TTC27: variants seen among roughly 807,000 people sequenced by gnomAD.
The protein encoded by TTC27 is tetratricopeptide repeat domain 27.
Under a neutral mutation model 115.9 loss-of-function variants are expected in TTC27, and 79 were observed. That is an observed-to-expected ratio of 0.68 (90% CI 0.57 to 0.82). The LOEUF is 0.82. Among genes scored for constraint, TTC27 ranks in the 40% least tolerant of loss-of-function variants. TTC27 has a pLI of 0.00. For missense variants in TTC27, 1,054 were observed against 993.1 expected, an observed-to-expected ratio of 1.06 and a Z score of -0.82; for synonymous variants, 401 against 356.0, an observed-to-expected ratio of 1.13 and a Z score of -1.42.
At chr2:32,706,077 C>CT (rs148953090) in intron 10 of TTC27, among the ~76,000 whole-genome samples, 22,482 of 51,150 alleles carry the variant, frequency 0.44, 6,588 homozygotes, top group South Asian at 0.54. Context: ...TTACCTTACT[C>CT]TTTTTTTTTT....
intron 10 of TTC27, chr2:32,704,909 A>G (rs1426395069): frequency 1.1e-5 from 5 of 471,120 alleles, no homozygotes; most frequent in Non-Finnish European, 4.4e-6. Flanking sequence ...TTATTTGATC[A>G]TTCAGTAAGC....
At chr2:32,642,921 A>C (rs1254406336) in intron 4 of TTC27, among the ~76,000 whole-genome samples, 1 of 151,856 alleles carries the variant, frequency 6.6e-6, no homozygotes, top group Non-Finnish European at 1.5e-5. Flanking sequence ...ACCTGCCTCC[A>C]TCTCCCCTAA....
chr2:32,669,014 G>A (rs1665906504), intron 7 of TTC27, among the ~76,000 whole-genome samples: 1 of 152,084 alleles, frequency 6.6e-6, no homozygotes, highest in Non-Finnish European at 1.5e-5. Context: ...GGGAGGCGGA[G>A]CTTGCAGTGA....
At chr2:32,646,529 G>T (rs1377364661) in intron 4 of TTC27, among the ~76,000 whole-genome samples, 1 of 145,540 alleles carries the variant, frequency 6.9e-6, no homozygotes, top group African/African-American at 2.5e-5. Context: ...CTGACTAGTA[G>T]AAAAATAGGC....
chr2:32,642,548 T>C (rs1481575680), intron 4 of TTC27, among the ~76,000 whole-genome samples: 1 of 152,094 alleles, frequency 6.6e-6, no homozygotes, highest in Non-Finnish European at 1.5e-5. Flanking sequence ...CCACCGCACC[T>C]GGCCTAAATT....
chr2:32,633,769 A>G, intron 2 of TTC27, 107 bp from the exon 3 acceptor site: 1 of 1,309,304 alleles, frequency 7.6e-7, no homozygotes, highest in South Asian at 1.6e-5. Flanking sequence ...GTCTCAATAA[A>G]TGTTGATAGA....
chr2:32,630,804 A>G (rs1359913588), intron 2 of TTC27, 104 bp downstream of exon 2: 8 of 1,064,236 alleles, frequency 7.5e-6, no homozygotes, highest in East Asian at 2.6e-5. Context: ...ACCTTGCCTT[A>G]TATTTTACTC....
At chr2:32,810,392 C>T (rs145379197) in intron 16 of TTC27, among the ~76,000 whole-genome samples, 3 of 152,176 alleles carry the variant, frequency 2.0e-5, no homozygotes, top group Admixed American at 6.5e-5. Flanking sequence ...ATGTTGAAAA[C>T]ATTGGGAAGG....
chr2:32,817,302 T>C (rs544374723), intron 18 of TTC27, among the ~76,000 whole-genome samples, 155 bp from the exon 19 acceptor site: 55 of 152,128 alleles, frequency 3.6e-4, no homozygotes, highest in African/African-American at 1.3e-3. Context: ...GCTATGTACA[T>C]AATTATTATT....
At chr2:32,769,527 G>T (rs1669758006) in intron 13 of TTC27, among the ~76,000 whole-genome samples, 1 of 152,124 alleles carries the variant, frequency 6.6e-6, no homozygotes, top group Non-Finnish European at 1.5e-5. Context: ...TCAAGATACT[G>T]GAGACCTTTA....
chr2:32,794,929 G>T (rs556977934), intron 16 of TTC27, among the ~76,000 whole-genome samples: 1 of 152,190 alleles, frequency 6.6e-6, no homozygotes, highest in South Asian at 2.1e-4. Flanking sequence ...CTAGTAAGTA[G>T]ATAGAATCAG....
chr2:32,715,692 T>C (rs1428998336), intron 10 of TTC27, among the ~76,000 whole-genome samples: 1 of 152,160 alleles, frequency 6.6e-6, no homozygotes, highest in Non-Finnish European at 1.5e-5. Context: ...TTGGTAGTCC[T>C]TTCTTTATAT....
chr2:32,654,995 C>CG (rs535163139), intron 5 of TTC27, among the ~76,000 whole-genome samples: 194 of 139,102 alleles, frequency 1.4e-3, no homozygotes, highest in Non-Finnish European at 2.6e-3. Context: ...TGCGTCTGGC[C>CG]TTTTTTTTTT....
intron 6 of TTC27, among the ~76,000 whole-genome samples, chr2:32,665,120 T>G (rs1665723510): frequency 6.6e-6 from 1 of 152,150 alleles, no homozygotes; most frequent in East Asian, 1.9e-4. Flanking sequence ...GTGCTGGGAC[T>G]ACAGGTGTGA....
chr2:32,812,150 G>A (rs927088), intron 17 of TTC27, among the ~76,000 whole-genome samples: 103,980 of 152,124 alleles, frequency 0.68, 37,323 homozygotes, highest in African/African-American at 0.92. Context: ...TCTACCAGCA[G>A]TTTCATTGTT....
intron 13 of TTC27, among the ~76,000 whole-genome samples, chr2:32,762,073 A>G (rs1348646331): frequency 6.6e-6 from 1 of 152,218 alleles, no homozygotes; most frequent in Non-Finnish European, 1.5e-5. Context: ...TGATGCAACA[A>G]AGAAAAACCT....
intron 12 of TTC27, among the ~76,000 whole-genome samples, chr2:32,756,714 A>G (rs1004509636): frequency 5.9e-5 from 9 of 152,236 alleles, no homozygotes; most frequent in African/African-American, 2.2e-4. Flanking sequence ...TTAAAGTCTC[A>G]TTTTAGCTGC....
rs189227750 is a variant in TTC27 at position 32,644,501 on chromosome 2, G to A, written c.537+4091G>A. Among the ~76,000 whole-genome samples the A allele has an allele frequency of 1.8e-4, 27 of 152,286 alleles. No homozygotes were observed. In the East Asian group the frequency reaches 4.8e-3, roughly 27 times the overall value. On this transcript the variant is annotated intron_variant, in intron 4 of 19. Coordinates refer to ENST00000317907, the MANE Select transcript of TTC27 (RefSeq NM_017735.5). ...AAGTTACCTTAATTTCTTGGCAGCTGTAAACAACTTTTGACTTCTGCTTAA... is the reference window on the plus strand; with the variant it reads ...AAGTTACCTTAATTTCTTGGCAGCTATAAACAACTTTTGACTTCTGCTTAA...
At chr2:32,647,588 T>C (rs1160362634) in intron 4 of TTC27, among the ~76,000 whole-genome samples, 1 of 152,222 alleles carries the variant, frequency 6.6e-6, no homozygotes, top group African/African-American at 2.4e-5. Context: ...GTAGTTGTGG[T>C]GTATAACACT....
Sources: allele counts gnomAD v4.1 joint callset (sites outside exome capture counted in the v4.1 genomes callset), GRCh38; gene constraint gnomAD v4.1.1; transcripts MANE v1.5; gene names NCBI Gene and HGNC (gene_info 2026-07-23, HGNC 2026-07-21).